MELK: variants seen among roughly 807,000 people sequenced by gnomAD.
The protein encoded by MELK is maternal embryonic leucine zipper kinase, also known as pEg3 kinase.
In MELK, 81 loss-of-function variants were observed where a neutral mutation model predicts 85.0. The ratio of observed to expected loss-of-function variants is 0.95; its 90% CI spans 0.80 to 1.15. The LOEUF (loss-of-function observed/expected upper bound fraction) is 1.15. Among genes scored for constraint, MELK ranks in the 50% most tolerant of loss-of-function variants. The pLI is 0.00. For missense variants in MELK, 754 were observed against 777.5 expected, an observed-to-expected ratio of 0.97 and a Z score of 0.36; for synonymous variants, 252 against 265.0, an observed-to-expected ratio of 0.95 and a Z score of 0.48.
At chr9:36,589,350 G>A (rs1308845092) in intron 3 of MELK, among the ~76,000 whole-genome samples, 186 bp from the exon 4 acceptor site, 2 of 151,994 alleles carry the variant, frequency 1.3e-5, no homozygotes, top group Non-Finnish European at 2.9e-5. Flanking sequence ...GGGTTTCATC[G>A]TGTTAGCCAG....
chr9:36,610,641 C>G (rs1183964729), intron 8 of MELK, among the ~76,000 whole-genome samples: 1 of 152,192 alleles, frequency 6.6e-6, no homozygotes, highest in Non-Finnish European at 1.5e-5. Context: ...CTGGGTAGCA[C>G]TCGTTGCTTT....
intron 3 of MELK, among the ~76,000 whole-genome samples, chr9:36,587,039 C>T (rs542337516): frequency 1.3e-5 from 2 of 151,776 alleles, no homozygotes; most frequent in East Asian, 1.9e-4. Context: ...TTAGTAGAGA[C>T]GGGTTTTCAC....
At chr9:36,673,266 G>A (rs2138193802) in intron 16 of MELK, among the ~76,000 whole-genome samples, 1 of 152,268 alleles carries the variant, frequency 6.6e-6, no homozygotes, top group Non-Finnish European at 1.5e-5. Context: ...AAGAAAGAGA[G>A]GGTCCCTTCG....
intron 7 of MELK, chr9:36,606,673 A>G (rs572151245): frequency 3.4e-5 from 5 of 146,396 alleles, no homozygotes; most frequent in Non-Finnish European, 7.4e-5. Flanking sequence ...GTATATATGG[A>G]CATATATATG....
chr9:36,616,101 A>G (rs1407361986), intron 8 of MELK, among the ~76,000 whole-genome samples: 1 of 152,216 alleles, frequency 6.6e-6, no homozygotes, highest in Non-Finnish European at 1.5e-5. Flanking sequence ...GAAAAAAATT[A>G]TTTTTGTATT....
chr9:36,677,186 C>T lies in MELK; in HGVS notation c.1805C>T (p.Ser602Leu), dbSNP rs749328178. Residue 602 changes from serine (S) to leucine (L), a missense_variant, in exon 18 of 18, where the codon TCA (serine) becomes TTA (leucine). Coordinates refer to ENST00000298048, the MANE Select transcript of MELK (RefSeq NM_014791.4). ...KGYTLKCQTQ[S>L]DFGKVTMQFE... The stretch of plus-strand genomic sequence containing the variant: ...TATACACTGAAGTGTCAAACACAGT[C>T]AGATTTTGGGAAAGTGACAATGCAA... The T allele has an allele frequency of 9.9e-6, 16 of 1,613,788 alleles. No homozygotes were observed. In the East Asian group the frequency reaches 3.3e-4, roughly 34 times the overall value.
chr9:36,580,918 T>TG (rs1822171717), intron 1 of MELK, among the ~76,000 whole-genome samples: 1 of 151,532 alleles, frequency 6.6e-6, no homozygotes, highest in Non-Finnish European at 1.5e-5. Flanking sequence ...TTAGTAGAGA[T>TG]GGGGTTTCAC....
intron 11 of MELK, among the ~76,000 whole-genome samples, chr9:36,650,189 C>A (rs558503564): frequency 6.6e-6 from 1 of 151,826 alleles, no homozygotes; most frequent in African/African-American, 2.4e-5. Context: ...GTGATCCACC[C>A]GCCTCGGCCT....
At chr9:36,601,717 A>G (rs761955935) in intron 7 of MELK, among the ~76,000 whole-genome samples, 2 of 152,212 alleles carry the variant, frequency 1.3e-5, no homozygotes, top group Non-Finnish European at 2.9e-5. Flanking sequence ...CTGTTAAACA[A>G]TTCTTCATTT....
At chr9:36,615,171 G>A (rs1335442627) in intron 8 of MELK, among the ~76,000 whole-genome samples, 18 of 133,948 alleles carry the variant, frequency 1.3e-4, no homozygotes, top group Middle Eastern at 4.2e-3. Flanking sequence ...CTCACCTCCC[G>A]GACGGGGCGG....
At position 36,671,555 on chromosome 9, in the gene MELK, A is replaced by G. The variant is rs189667100; in HGVS notation, c.1674+389A>G. Among the ~76,000 whole-genome samples the G allele has an allele frequency of 5.3e-5, 8 of 152,290 alleles. No individual in the cohort carries two copies. In the East Asian group the frequency reaches 1.5e-3, roughly 29 times the overall value. On this transcript the variant is annotated intron_variant, in intron 16 of 17. Transcript: ENST00000298048. ...TCATGAAATATTTGAATGCATGGGA[A>G]GATAATTGGAACTTTGAGTGTGGTG...
At chr9:36,642,903 G>T in intron 10 of MELK, 94 bp from the exon 11 acceptor site, 2 of 818,924 alleles carry the variant, frequency 2.4e-6, no homozygotes, top group Non-Finnish European at 3.8e-6. Flanking sequence ...AATGATATTT[G>T]ATTGTATAAA....
chr9:36,657,772 A>G (rs1831398896), intron 13 of MELK, among the ~76,000 whole-genome samples: 1 of 152,088 alleles, frequency 6.6e-6, no homozygotes. Context: ...TTTAGTAGAG[A>G]CAGGGTTTCA....
intron 4 of MELK, among the ~76,000 whole-genome samples, chr9:36,593,176 CTTT>C (rs368674596): frequency 5.3e-5 from 7 of 131,200 alleles, no homozygotes; most frequent in Non-Finnish European, 8.3e-5. Flanking sequence ...AGAGCTTCCT[CTTT>C]TTTTTTTTTT....
chr9:36,598,174 G>A (rs1044587934), intron 6 of MELK, among the ~76,000 whole-genome samples: 3 of 150,448 alleles, frequency 2.0e-5, no homozygotes, highest in Non-Finnish European at 4.4e-5. Context: ...GGAACCAAAT[G>A]CTAGAAGGCA....
At chr9:36,664,563 G>A (rs1832151961) in intron 13 of MELK, among the ~76,000 whole-genome samples, 1 of 152,166 alleles carries the variant, frequency 6.6e-6, no homozygotes, top group Non-Finnish European at 1.5e-5. Context: ...ACTGGCCTGT[G>A]TTTACTTACA....
intron 3 of MELK, 134 bp from the exon 4 acceptor site, chr9:36,589,402 C>A (rs775288257): frequency 1.6e-6 from 1 of 644,844 alleles, no homozygotes; most frequent in Non-Finnish European, 2.8e-6. Flanking sequence ...CCCGCCTCGG[C>A]CTCCCAAAGT....
rs1443385657 is a variant in MELK, at chr9:36,645,268, A to AG, written c.921+2185_921+2186insG. Among the ~76,000 whole-genome samples, 20 of 151,702 alleles carry AG rather than the reference A, an allele frequency of 1.3e-4. No homozygotes were observed. The East Asian group carries it at 3.7e-3, about 28-fold the overall frequency. ...TGAGACTCCGTCTCAAAAAAAAAAA[A>AG]AAAAAAAGTAACATATTTAGAGTTT... On this transcript the variant is annotated intron_variant, in intron 11 of 17. Transcript: ENST00000298048.
chr9:36,576,262 A>G (rs200649182), intron 1 of MELK, among the ~76,000 whole-genome samples: 2 of 152,118 alleles, frequency 1.3e-5, no homozygotes, highest in East Asian at 3.9e-4. Flanking sequence ...GCTTCTTCTA[A>G]TGTTTGCCTA....
Sources: allele counts gnomAD v4.1 joint callset (sites outside exome capture counted in the v4.1 genomes callset), GRCh38; gene constraint gnomAD v4.1.1; transcripts MANE v1.5; gene names NCBI Gene and HGNC (gene_info 2026-07-23, HGNC 2026-07-21).